Variants in WWOX observed in about 807,000 individuals in gnomAD.
The protein encoded by WWOX is WW domain containing oxidoreductase.
Under a neutral mutation model 46.2 loss-of-function variants are expected in WWOX, and 69 were observed. That is an observed-to-expected ratio of 1.49 (90% CI 1.23 to 1.82). The LOEUF is 1.82. Among genes scored for constraint, WWOX ranks in the 40% most tolerant of loss-of-function variants. The probability of loss-of-function intolerance (pLI) is 0.00; values close to 1 mark genes in which losing one functional copy is unlikely to be tolerated. For missense variants in WWOX, 919 were observed against 542.6 expected, an observed-to-expected ratio of 1.69 and a Z score of -6.89; for synonymous variants, 359 against 202.6, an observed-to-expected ratio of 1.77 and a Z score of -6.56.
At chr16:78,319,383 C>T (rs2151882195) in intron 5 of WWOX, among the ~76,000 whole-genome samples, 1 of 152,290 alleles carries the variant, frequency 6.6e-6, no homozygotes, top group Non-Finnish European at 1.5e-5. Flanking sequence ...ACCTCAACCT[C>T]CTAAGTAGCT....
chr16:78,784,470 A>G (rs979768161), intron 8 of WWOX, among the ~76,000 whole-genome samples: 3 of 152,048 alleles, frequency 2.0e-5, no homozygotes, highest in Non-Finnish European at 4.4e-5. Flanking sequence ...GATTATTAAT[A>G]TACTAGATAA....
intron 8 of WWOX, among the ~76,000 whole-genome samples, chr16:79,196,029 C>G (rs1164544853): frequency 6.6e-6 from 1 of 152,176 alleles, no homozygotes; most frequent in Non-Finnish European, 1.5e-5. Context: ...ACTGACGCTT[C>G]TCATGCAATT....
At chr16:79,204,118 A>C (rs1432707905) in intron 8 of WWOX, 1 of 151,984 alleles carries the variant, frequency 6.6e-6, no homozygotes, top group Admixed American at 6.6e-5. Context: ...GGCTATTTCA[A>C]ACCAACCATG....
chr16:78,632,375 T>C (rs2046453483), intron 8 of WWOX, among the ~76,000 whole-genome samples: 1 of 152,080 alleles, frequency 6.6e-6, no homozygotes, highest in African/African-American at 2.4e-5. Flanking sequence ...ATTATTGAGT[T>C]ATTCCGCTAC....
At chr16:78,516,935 G>C (rs2043247364) in intron 8 of WWOX, among the ~76,000 whole-genome samples, 1 of 152,166 alleles carries the variant, frequency 6.6e-6, no homozygotes, top group South Asian at 2.1e-4. Context: ...CCTCATGTCT[G>C]TACCTTTTTG....
intron 8 of WWOX, among the ~76,000 whole-genome samples, chr16:78,879,112 G>A (rs183367115): frequency 6.6e-6 from 1 of 152,162 alleles, no homozygotes; most frequent in Non-Finnish European, 1.5e-5. Context: ...ATTAACTTCT[G>A]TAATCCTAAG....
chr16:78,744,916 T>A (rs941748081), intron 8 of WWOX, among the ~76,000 whole-genome samples: 1 of 152,186 alleles, frequency 6.6e-6, no homozygotes, highest in African/African-American at 2.4e-5. Flanking sequence ...GTTTTCTGTT[T>A]CCTCCTATGT....
At chr16:78,793,124 G>T (rs1286584132) in intron 8 of WWOX, among the ~76,000 whole-genome samples, 2 of 152,166 alleles carry the variant, frequency 1.3e-5, no homozygotes, top group East Asian at 3.9e-4. Flanking sequence ...TCAGGCTGGA[G>T]TGAAGTGATG....
chr16:78,983,012 T>C (rs137964395), intron 8 of WWOX, among the ~76,000 whole-genome samples: 237 of 152,320 alleles, frequency 1.6e-3, no homozygotes, highest in African/African-American at 5.4e-3. Flanking sequence ...CAGTGTAATA[T>C]ATTCCTTTGT....
chr16:78,637,825 T>C (rs1210510109), intron 8 of WWOX, among the ~76,000 whole-genome samples: 1 of 152,164 alleles, frequency 6.6e-6, no homozygotes, highest in Non-Finnish European at 1.5e-5. Context: ...CCAGGGCCTA[T>C]TGTGTTGTGT....
At chr16:78,726,071 T>TTCCCTCCCTCCCTCTTCCCCCCTCCC (rs2048824833) in intron 8 of WWOX, among the ~76,000 whole-genome samples, 1 of 96,560 alleles carries the variant, frequency 1.0e-5, no homozygotes, top group Non-Finnish European at 2.2e-5. Flanking sequence ...CCTGCTTCCC[T>TTCCCTCCCTCCCTCTTCCCCCCTCCC]TCCCTCCCTC....
intron 8 of WWOX, among the ~76,000 whole-genome samples, chr16:78,968,308 A>G (rs1297454353): frequency 1.3e-5 from 2 of 152,212 alleles, no homozygotes; most frequent in Non-Finnish European, 2.9e-5. Context: ...GGAATCCAAC[A>G]GGGAACTGTC....
At chr16:79,130,424 T>A (rs1399710706) in intron 8 of WWOX, among the ~76,000 whole-genome samples, 1 of 152,126 alleles carries the variant, frequency 6.6e-6, no homozygotes, top group Non-Finnish European at 1.5e-5. Context: ...ACAGCACAGA[T>A]CATGAGGAGG....
chr16:78,342,409 G>C (rs2081032614), intron 5 of WWOX, among the ~76,000 whole-genome samples: 1 of 121,148 alleles, frequency 8.3e-6, no homozygotes. Flanking sequence ...AAAACAAATA[G>C]CCTCCAAAGT....
intron 8 of WWOX, among the ~76,000 whole-genome samples, chr16:78,634,811 GGAGAGAGAGA>G (rs541433739): frequency 6.3e-5 from 8 of 127,956 alleles, no homozygotes; most frequent in African/African-American, 2.4e-4. Flanking sequence ...GCACCCGACT[GGAGAGAGAGA>G]GAGAGAGAGA....
At position 78,330,292 on chromosome 16, in the gene WWOX, C is replaced by T. The variant is rs145485938; in HGVS notation, c.517-56568C>T. Among the ~76,000 whole-genome samples the T allele has an allele frequency of 8.9e-3, 1,349 of 152,036 alleles. 70 individuals are homozygous for T. Among genetic ancestry groups the T allele is most frequent in the Admixed American group, 0.078 (1,184 of 15,264 alleles). On this transcript the variant is annotated intron_variant, in intron 5 of 8. Coordinates refer to ENST00000566780, the MANE Select transcript of WWOX (RefSeq NM_016373.4). ...GTGGTTAAAATGATAAATTTTGTTA[C>T]GTATATTTTACCACAAATTAAAGAA... is the stretch of plus-strand genomic sequence containing the variant.
At chr16:78,755,191 T>G (rs936297539) in intron 8 of WWOX, among the ~76,000 whole-genome samples, 1 of 147,274 alleles carries the variant, frequency 6.8e-6, no homozygotes, top group Non-Finnish European at 1.5e-5. Context: ...GTTCTGCACA[T>G]GTATCCCAGA....
At chr16:78,255,456 C>T (rs2038102152) in intron 5 of WWOX, among the ~76,000 whole-genome samples, 1 of 152,170 alleles carries the variant, frequency 6.6e-6, no homozygotes. Flanking sequence ...CTCTTTGTTG[C>T]TTAAGCAGAG....
chr16:79,151,136 A>G (rs1413855700), intron 8 of WWOX, among the ~76,000 whole-genome samples: 20 of 150,248 alleles, frequency 1.3e-4, no homozygotes, highest in Non-Finnish European at 3.0e-5. Context: ...TCATTTCCCC[A>G]GAAAATTCCC....
Sources: allele counts gnomAD v4.1 joint callset (sites outside exome capture counted in the v4.1 genomes callset), GRCh38; gene constraint gnomAD v4.1.1; transcripts MANE v1.5; gene names NCBI Gene and HGNC (gene_info 2026-07-23, HGNC 2026-07-21).